SLC13A1: variants seen among roughly 807,000 people sequenced by gnomAD.
SLC13A1 encodes Na(+)/sulfate cotransporter.
A neutral mutation model predicts 70.0 loss-of-function variants in SLC13A1; 65 were observed. That is an observed-to-expected ratio of 0.93 (90% CI 0.76 to 1.14). The LOEUF (loss-of-function observed/expected upper bound fraction) is 1.14. Ranked by LOEUF, SLC13A1 falls within the 50% of genes most tolerant of loss-of-function variation. The pLI, the probability that SLC13A1 is intolerant of heterozygous loss-of-function variation, is 0.00. For missense variants in SLC13A1, 726 were observed against 717.8 expected, an observed-to-expected ratio of 1.01 and a Z score of -0.13; for synonymous variants, 275 against 250.5, an observed-to-expected ratio of 1.10 and a Z score of -0.92.
At chr7:123,143,283 C>T (rs1299514708) in intron 7 of SLC13A1, among the ~76,000 whole-genome samples, 3 of 152,130 alleles carry the variant, frequency 2.0e-5, no homozygotes, top group Non-Finnish European at 4.4e-5. Context: ...GCTCAAGGCA[C>T]AGTTCAGCAC....
chr7:123,148,900 G>C (rs950985932), intron 6 of SLC13A1, among the ~76,000 whole-genome samples: 3 of 152,086 alleles, frequency 2.0e-5, no homozygotes, highest in African/African-American at 7.2e-5. Flanking sequence ...GGAGAGGAGT[G>C]GTAAGGATTA....
intron 6 of SLC13A1, among the ~76,000 whole-genome samples, chr7:123,151,689 C>T (rs181687684): frequency 2.5e-4 from 38 of 152,124 alleles, no homozygotes; most frequent in African/African-American, 8.2e-4. Flanking sequence ...GTGAATTGTT[C>T]GAGGTCCCAG....
chr7:123,180,608 T>A (rs1225588620), intron 2 of SLC13A1, among the ~76,000 whole-genome samples: 1 of 152,170 alleles, frequency 6.6e-6, no homozygotes, highest in Non-Finnish European at 1.5e-5. Context: ...TTTTTCTTCA[T>A]TAAAAACAAA....
chr7:123,147,314 T>C lies in SLC13A1; in HGVS notation c.661-4A>G. On this transcript the variant is annotated splice_polypyrimidine_tract_variant and splice_region_variant and intron_variant, in intron 6 of 14. Transcript: ENST00000194130. ...ATTTGGTTCTCATGCCTGAGTTCTG[T>C]TCAACAACAACAAAAAACTACCATG... 2.5e-6 allele frequency: 4 copies of C among 1,612,824 alleles called. No homozygotes were observed. Among genetic ancestry groups the C allele is most frequent in the Non-Finnish European group, 3.4e-6 (4 of 1,179,486 alleles).
At chr7:123,124,534 GAACA>G (rs922651514) in intron 11 of SLC13A1, among the ~76,000 whole-genome samples, 9 of 152,096 alleles carry the variant, frequency 5.9e-5, no homozygotes, top group African/African-American at 1.7e-4. Flanking sequence ...ATCCCCATAA[GAACA>G]AACAAACAAA....
intron 2 of SLC13A1, among the ~76,000 whole-genome samples, chr7:123,174,589 C>T (rs145041759): frequency 5.3e-5 from 8 of 152,222 alleles, no homozygotes; most frequent in Non-Finnish European, 8.8e-5. Flanking sequence ...TATGATCGAT[C>T]TTTTTCTGAT....
intron 6 of SLC13A1, among the ~76,000 whole-genome samples, chr7:123,153,795 G>A (rs1056512152): frequency 6.6e-6 from 1 of 152,076 alleles, no homozygotes; most frequent in African/African-American, 2.4e-5. Context: ...TTTATGTGAA[G>A]TGAAAAGTAC....
chr7:123,152,960 A>G (rs557515100), intron 6 of SLC13A1, among the ~76,000 whole-genome samples: 18 of 152,248 alleles, frequency 1.2e-4, no homozygotes, highest in South Asian at 2.1e-4. Flanking sequence ...AACACAAACC[A>G]GAAAGTGATG....
chr7:123,178,342 A>C (rs1795524594), intron 2 of SLC13A1, among the ~76,000 whole-genome samples: 1 of 152,142 alleles, frequency 6.6e-6, no homozygotes, highest in Non-Finnish European at 1.5e-5. Flanking sequence ...AGATGAGGGC[A>C]TTAATGACAT....
intron 8 of SLC13A1, among the ~76,000 whole-genome samples, chr7:123,132,083 G>A (rs991761032): frequency 1.3e-5 from 2 of 152,060 alleles, no homozygotes; most frequent in African/African-American, 4.8e-5. Flanking sequence ...TTCCTGAAAG[G>A]GGCACTTAGT....
In SLC13A1 at chr7:123,134,620, C is replaced by T. The variant is rs546983894; in HGVS notation, c.813-91G>A. 5.6e-6 allele frequency: 7 copies of T among 1,246,240 alleles called. No homozygotes were observed. In the South Asian group the frequency reaches 8.8e-5, roughly 16 times the overall value. The allele number at this position is 1,246,240 out of a possible 1,614,324, so 77.2% of individuals were successfully genotyped here. A position where few individuals can be genotyped will look rare whatever the true frequency, so the allele number is the denominator to read the frequency against. ...AGGGAAGCAGCAGTCCACCTCTTTC[C>T]TGTGTTTCTGTCCAAGAAGGAAGTC... is the stretch of plus-strand genomic sequence containing the variant. On this transcript the variant is annotated intron_variant, in intron 7 of 14. Coordinates refer to ENST00000194130, the MANE Select transcript of SLC13A1 (RefSeq NM_022444.4).
In SLC13A1 at chr7:123,115,469, T is replaced by G. The variant is rs1257767838; in HGVS notation, c.*49A>C. On this transcript the variant is annotated 3_prime_UTR_variant, in exon 15 of 15. Transcript: ENST00000194130. ...TAGAGCCACATTTTACAGTCAATCA[T>G]TAATGTCTTCCAGAAATTACCGCAA... 1 of 1,578,078 alleles carries G rather than the reference T, an allele frequency of 6.3e-7. No homozygotes were observed. The highest frequency in any genetic ancestry group is 8.7e-7 in the Non-Finnish European group (1 of 1,151,984).
rs887132689 is a variant in SLC13A1 at position 123,114,714 on chromosome 7, G to A, written c.*804C>T. 2.0e-5 allele frequency: 3 copies of A among 152,048 alleles called. No homozygotes were observed. The highest frequency in any genetic ancestry group is 2.9e-5 in the Non-Finnish European group (2 of 67,986). The allele number at this position is 152,048 out of a possible 1,614,324, so 9.4% of individuals were successfully genotyped here. A position where few individuals can be genotyped will look rare whatever the true frequency, so the allele number is the denominator to read the frequency against. On this transcript the variant is annotated 3_prime_UTR_variant, in exon 15 of 15. Transcript: ENST00000194130. ...ACGAAAATATGTTAATAGTTTTATAGTGTTCAGCTTTCCTTTCTAACTATA... is the reference window on the plus strand; with the variant it reads ...ACGAAAATATGTTAATAGTTTTATAATGTTCAGCTTTCCTTTCTAACTATA...
At chr7:123,158,801 C>A (rs538152629) in intron 6 of SLC13A1, among the ~76,000 whole-genome samples, 32 of 151,746 alleles carry the variant, frequency 2.1e-4, no homozygotes, top group Non-Finnish European at 4.0e-4. Flanking sequence ...TTTCAATGTG[C>A]AAAATAAAAA....
At chr7:123,155,101 T>C (rs117722407) in intron 6 of SLC13A1, among the ~76,000 whole-genome samples, 2,650 of 152,202 alleles carry the variant, frequency 0.017, 41 homozygotes, top group South Asian at 0.023. Context: ...AACTCAAAGA[T>C]TTTAAAACAG....
intron 6 of SLC13A1, among the ~76,000 whole-genome samples, chr7:123,148,986 G>T (rs75494983): frequency 3.9e-5 from 6 of 152,070 alleles, no homozygotes. Context: ...TTTTTGAAAT[G>T]ACTCCATCTG....
chr7:123,128,867 C>A lies in SLC13A1; in HGVS notation c.1111G>T (p.Gly371Cys). The A allele has an allele frequency of 6.2e-7, 1 of 1,613,250 alleles. No individual in the cohort carries two copies. The highest frequency in any genetic ancestry group is 1.1e-5 in the South Asian group (1 of 91,050). The change falls in exon 10 of 15, where the codon GGT becomes TGT. Residue 371 changes from glycine (G) to cysteine (C), a missense_variant. Gly to Cys is a radical substitution (Grantham distance 159). Coordinates refer to ENST00000194130, the MANE Select transcript of SLC13A1 (RefSeq NM_022444.4). Reference protein sequence around the residue: ...WFSRDPGFVPGWSALFSEYPG... With the variant: ...WFSRDPGFVPCWSALFSEYPG... ...TACTCTGAAAAAAGTGCAGACCAAC[C>A]AGGAACAAATCCGGGGTCTCGACTA...
intron 8 of SLC13A1, among the ~76,000 whole-genome samples, chr7:123,133,849 A>G (rs1793854095): frequency 1.3e-5 from 2 of 150,314 alleles, no homozygotes; most frequent in African/African-American, 2.5e-5. Flanking sequence ...ATTTTTATTC[A>G]TTTTATTTTT....
intron 1 of SLC13A1, 77 bp downstream of exon 1, chr7:123,199,771 T>G: frequency 9.0e-7 from 1 of 1,105,332 alleles, no homozygotes; most frequent in Non-Finnish European, 1.4e-6. Flanking sequence ...GCCAGGCAGT[T>G]AAACAGCAAA....
Sources: allele counts gnomAD v4.1 joint callset (sites outside exome capture counted in the v4.1 genomes callset), GRCh38; gene constraint gnomAD v4.1.1; transcripts MANE v1.5; gene names NCBI Gene and HGNC (gene_info 2026-07-23, HGNC 2026-07-21).